Variants in SEPTIN7 observed in about 807,000 individuals in gnomAD.
SEPTIN7 encodes septin-7.
In SEPTIN7, 10 loss-of-function variants were observed where a neutral mutation model predicts 63.3. The ratio of observed to expected loss-of-function variants is 0.16; its 90% CI spans 0.10 to 0.27. The LOEUF is 0.27. Among genes scored for constraint, SEPTIN7 ranks in the 10% least tolerant of loss-of-function variants. The probability of loss-of-function intolerance (pLI) is 1.00; values close to 1 mark genes in which losing one functional copy is unlikely to be tolerated. For synonymous variants in SEPTIN7, 131 were observed against 165.3 expected (o/e 0.79, Z 1.59); for missense variants, 310 against 521.0 (o/e 0.59, Z 3.94).
At chr7:35,873,316 T>G (rs1050289461) in intron 5 of SEPTIN7, among the ~76,000 whole-genome samples, 1 of 152,096 alleles carries the variant, frequency 6.6e-6, no homozygotes, top group Admixed American at 6.6e-5. Context: ...TTATTTAAAG[T>G]AATCTCTCAT....
intron 4 of SEPTIN7, among the ~76,000 whole-genome samples, chr7:35,866,933 G>C (rs1785841392): frequency 2.0e-5 from 3 of 152,278 alleles, no homozygotes; most frequent in Non-Finnish European, 4.4e-5. Context: ...TTGCTATATA[G>C]CAGGTTTGAG....
intron 1 of SEPTIN7, among the ~76,000 whole-genome samples, chr7:35,814,532 A>G (rs1788927425): frequency 6.6e-6 from 1 of 152,068 alleles, no homozygotes; most frequent in Non-Finnish European, 1.5e-5. Context: ...GACTGTGCAA[A>G]TACACTATTT....
At chr7:35,914,449 A>G in the SEPTIN7 span, among the ~76,000 whole-genome samples, 18 of 151,782 alleles carry the variant, frequency 1.2e-4, no homozygotes, top group African/African-American at 4.4e-4. Context: ...AATAAGGCTG[A>G]CCTCCCCCAA....
At chr7:35,864,763 GTGATATA>G (rs1785710838) in intron 4 of SEPTIN7, among the ~76,000 whole-genome samples, 1 of 152,126 alleles carries the variant, frequency 6.6e-6, no homozygotes, top group African/African-American at 2.4e-5. Flanking sequence ...CTCTGCTTAT[GTGATATA>G]TAGGACATGA....
At chr7:35,867,908 G>C (rs552358062) in intron 4 of SEPTIN7, among the ~76,000 whole-genome samples, 2 of 149,444 alleles carry the variant, frequency 1.3e-5, no homozygotes, top group East Asian at 3.9e-4. Context: ...GTCTTGCTCT[G>C]TTGCCCAGGC....
chr7:35,896,269 C>G, intron 11 of SEPTIN7, among the ~76,000 whole-genome samples: 1 of 152,262 alleles, frequency 6.6e-6, no homozygotes. Context: ...AGATATTTCT[C>G]TCTGATTTCT....
At chr7:35,809,598 A>G (rs1229382699) in intron 1 of SEPTIN7, among the ~76,000 whole-genome samples, 1 of 152,222 alleles carries the variant, frequency 6.6e-6, no homozygotes, top group African/African-American at 2.4e-5. Flanking sequence ...AAAGCAGGAT[A>G]CCTTTTCCAT....
intron 6 of SEPTIN7, 70 bp from the exon 7 acceptor site, chr7:35,879,753 A>G (rs1786714166): frequency 1.2e-6 from 1 of 830,792 alleles, no homozygotes; most frequent in South Asian, 1.5e-5. Flanking sequence ...TTTAACTAGC[A>G]TTGGGGATGT....
the SEPTIN7 span, among the ~76,000 whole-genome samples, chr7:35,915,065 A>C: frequency 2.0e-5 from 3 of 151,778 alleles, no homozygotes; most frequent in East Asian, 1.9e-4. Context: ...ATATACACAG[A>C]TGCATGCATG....
chr7:35,865,925 A>G (rs1336839784), intron 4 of SEPTIN7, among the ~76,000 whole-genome samples: 1 of 152,224 alleles, frequency 6.6e-6, no homozygotes, highest in East Asian at 1.9e-4. Context: ...TTCCTTTAAA[A>G]TAACACTTCA....
intron 12 of SEPTIN7, chr7:35,900,000 CTA>C (rs1293906547): frequency 6.6e-6 from 1 of 152,046 alleles, no homozygotes; most frequent in Non-Finnish European, 1.5e-5. Context: ...ATATTTGTAT[CTA>C]AGTGTATGAA....
intron 7 of SEPTIN7, among the ~76,000 whole-genome samples, chr7:35,882,054 T>A (rs1786912131): frequency 6.6e-6 from 1 of 151,998 alleles, no homozygotes; most frequent in South Asian, 2.1e-4. Flanking sequence ...TTTGCCAGAT[T>A]CTACTAAAAA....
intron 4 of SEPTIN7, among the ~76,000 whole-genome samples, chr7:35,867,598 C>T (rs1785888803): frequency 6.6e-6 from 1 of 152,142 alleles, no homozygotes; most frequent in African/African-American, 2.4e-5. Flanking sequence ...GATCCGCCCG[C>T]CTCGGCCTCC....
Position 35,841,714 on chromosome 7 carries a change from A to C in SEPTIN7, c.169+8814A>C, listed in dbSNP as rs1277149308. ...GTCTGTCAGTATTTTAAAAGAACTC[A>C]GTACTGAACGGAAGGCAAGGACATG... On this transcript the variant is annotated intron_variant, in intron 3 of 13. Coordinates refer to ENST00000350320, the MANE Select transcript of SEPTIN7 (RefSeq NM_001788.6). Among the ~76,000 whole-genome samples the C allele has an allele frequency of 2.0e-5, 3 of 152,256 alleles. No individual in the cohort carries two copies. The East Asian group carries it at 5.8e-4, about 29-fold the overall frequency.
chr7:35,814,019 T>G (rs913008448), intron 1 of SEPTIN7, among the ~76,000 whole-genome samples: 1 of 148,280 alleles, frequency 6.7e-6, no homozygotes, highest in Non-Finnish European at 1.5e-5. Flanking sequence ...AACACATGTT[T>G]TATACCTGCT....
At chr7:35,867,154 T>TTA (rs1009318417) in intron 4 of SEPTIN7, among the ~76,000 whole-genome samples, 7 of 152,054 alleles carry the variant, frequency 4.6e-5, no homozygotes, top group Non-Finnish European at 1.0e-4. Context: ...CATTTTTTAC[T>TTA]TATATATATA....
intron 6 of SEPTIN7, among the ~76,000 whole-genome samples, chr7:35,877,310 C>T (rs1340209298): frequency 6.6e-6 from 1 of 152,110 alleles, no homozygotes; most frequent in Non-Finnish European, 1.5e-5. Context: ...TCTTAATTCT[C>T]CATGTTTGCT....
chr7:35,908,138 A>G (rs1458737422), downstream of SEPTIN7, among the ~76,000 whole-genome samples: 2 of 152,152 alleles, frequency 1.3e-5, no homozygotes, highest in Non-Finnish European at 2.9e-5. Context: ...TATAAAATAC[A>G]CCATTCTTTG....
intron 9 of SEPTIN7, among the ~76,000 whole-genome samples, chr7:35,885,321 C>T (rs937294406): frequency 6.6e-5 from 10 of 152,068 alleles, no homozygotes; most frequent in South Asian, 2.1e-4. Flanking sequence ...AAATACGCAC[C>T]GGAGAAATTG....
Sources: gnomAD v4.1 joint callset for allele counts (sites outside exome capture counted in the v4.1 genomes callset) on GRCh38, gnomAD v4.1.1 for gene constraint, MANE v1.5 for transcripts, NCBI Gene and HGNC (gene_info 2026-07-23, HGNC 2026-07-21) for gene names.